KIF23: variants seen among roughly 807,000 people sequenced by gnomAD.
The protein encoded by KIF23 is kinesin-like protein KIF23.
KIF23 carries 30 observed loss-of-function variants against 137.5 expected under a neutral mutation model. The ratio of observed to expected loss-of-function variants is 0.22; its 90% CI spans 0.16 to 0.30. KIF23 has a LOEUF of 0.30. Ranked by LOEUF, KIF23 falls within the 10% of genes least tolerant of loss-of-function variation. KIF23 has a pLI of 1.00. For synonymous variants in KIF23, 367 were observed against 391.1 expected (o/e 0.94, Z 0.73); for missense variants, 920 against 1,194.3 (o/e 0.77, Z 3.38).
intron 20 of KIF23, among the ~76,000 whole-genome samples, chr15:69,445,689 C>T (rs921804443): frequency 1.3e-5 from 2 of 152,056 alleles, no homozygotes; most frequent in Admixed American, 6.5e-5. Context: ...TGCCTTAGAG[C>T]GTGTAGAAAC....
At chr15:69,436,304 CTGTT>C (rs765238727) in intron 14 of KIF23, 43 bp downstream of exon 14, 15 of 1,565,100 alleles carry the variant, frequency 9.6e-6, no homozygotes, top group South Asian at 3.6e-5. Flanking sequence ...ATTGGTCTGT[CTGTT>C]TCTCTCTTTT....
chr15:69,422,480 A>T (rs1256222348), intron 6 of KIF23, 45 bp downstream of exon 6: 18 of 1,112,238 alleles, frequency 1.6e-5, no homozygotes. Context: ...GGGGCACAGG[A>T]TTCTTTCCTG....
intron 20 of KIF23, among the ~76,000 whole-genome samples, chr15:69,445,717 A>G (rs1185479563): frequency 6.6e-6 from 1 of 152,198 alleles, no homozygotes; most frequent in Non-Finnish European, 1.5e-5. Flanking sequence ...AAATTTCTTG[A>G]TCCTTAGTGC....
At chr15:69,427,118 GCAAAAAA>G (rs2057215748) in intron 10 of KIF23, among the ~76,000 whole-genome samples, 1 of 151,484 alleles carries the variant, frequency 6.6e-6, no homozygotes, top group Non-Finnish European at 1.5e-5. Flanking sequence ...TCTTGTCTTT[GCAAAAAA>G]ATAAAATAAG....
chr15:69,437,619 C>A (rs1280303807), intron 15 of KIF23, among the ~76,000 whole-genome samples: 2 of 151,908 alleles, frequency 1.3e-5, no homozygotes, highest in African/African-American at 4.8e-5. Flanking sequence ...CACCACCACG[C>A]CCTGCTAATT....
chr15:69,447,022 C>A, intron 23 of KIF23, 81 bp downstream of exon 23: 1 of 1,241,642 alleles, frequency 8.1e-7, no homozygotes, highest in South Asian at 1.2e-5. Context: ...TTCTACCAGC[C>A]ATCCACTTAT....
chr15:69,427,275 C>T (rs1449055945), intron 10 of KIF23: 6 of 388,222 alleles, frequency 1.5e-5, no homozygotes, highest in African/African-American at 2.1e-5. Flanking sequence ...ATTTAGTATC[C>T]ATAGGAGATC....
chr15:69,446,932 C>G lies in KIF23; in HGVS notation c.2900C>G (p.Ala967Gly), dbSNP rs1051310892. 6.2e-7 allele frequency: 1 copy of G among 1,613,996 alleles called. No homozygotes were observed. The highest frequency in any genetic ancestry group is 1.3e-5 in the African/African-American group (1 of 74,946). Residue 967 changes from alanine to glycine, a missense_variant, in exon 23 of 24, where the codon GCA becomes GGA. Transcript: ENST00000679126. ...CTGGGACCTGGATATCAGCATCACG[C>G]ACAACCCAAGTGAGTACTGACTGTA... ...SQLGPGYQHH[A>G]QPKRKKP
intron 3 of KIF23, 109 bp downstream of exon 3, chr15:69,417,620 A>C: frequency 8.4e-7 from 1 of 1,184,410 alleles, no homozygotes; most frequent in Non-Finnish European, 1.2e-6. Context: ...TTTTCAAAAG[A>C]CTTATTTACT....
intron 1 of KIF23, among the ~76,000 whole-genome samples, chr15:69,415,665 G>A (rs2056883862): frequency 6.6e-6 from 1 of 152,218 alleles, no homozygotes; most frequent in African/African-American, 2.4e-5. Context: ...AGTCTGTAAA[G>A]TGTGGGCAGT....
Position 69,435,782 on chromosome 15 carries a change from T to C in KIF23, c.1314+11T>C, listed in dbSNP as rs908428631. 8 of 1,613,382 alleles carry C rather than the reference T, an allele frequency of 5.0e-6. No individual in the cohort carries two copies. Among genetic ancestry groups the C allele is most frequent in the East Asian group, 2.2e-5 (1 of 44,896 alleles). On this transcript the variant is annotated intron_variant, in intron 13 of 23. Transcript: ENST00000679126. ...TATGAAGAAAACTTGGTAATTTTAATGTATTTGTCCTATAAAGTCTTGAGT... is the reference window on the plus strand; with the variant it reads ...TATGAAGAAAACTTGGTAATTTTAACGTATTTGTCCTATAAAGTCTTGAGT...
intron 8 of KIF23, chr15:69,425,856 T>G (rs2140338532): frequency 5.7e-6 from 1 of 174,190 alleles, no homozygotes; most frequent in South Asian, 2.0e-4. Context: ...TCTGTTATCT[T>G]GTTACTTAAC....
At chr15:69,428,646 G>A (rs549064396) in intron 10 of KIF23, among the ~76,000 whole-genome samples, 1 of 122,206 alleles carries the variant, frequency 8.2e-6, no homozygotes, top group East Asian at 2.3e-4. Flanking sequence ...GAGGTAGAGC[G>A]AGACTCTGTC....
At chr15:69,430,370 C>A (rs1204310189) in intron 11 of KIF23, among the ~76,000 whole-genome samples, 5 of 152,042 alleles carry the variant, frequency 3.3e-5, no homozygotes, top group Non-Finnish European at 2.9e-5. Flanking sequence ...TGTTAATAAA[C>A]ATGTATTGAG....
chr15:69,443,749 C>T (rs2057682623), intron 19 of KIF23: 1 of 151,982 alleles, frequency 6.6e-6, no homozygotes, highest in African/African-American at 2.4e-5. Flanking sequence ...CTTAATTTAG[C>T]ATTCCCAGGT....
chr15:69,432,595 G>A (rs1009670720), intron 11 of KIF23, among the ~76,000 whole-genome samples: 1 of 151,932 alleles, frequency 6.6e-6, no homozygotes, highest in African/African-American at 2.4e-5. Context: ...TAGGTTGCAG[G>A]GCTGTGTGCC....
chr15:69,438,445 G>C, intron 16 of KIF23, 40 bp downstream of exon 16: 1 of 1,543,052 alleles, frequency 6.5e-7, no homozygotes, highest in Non-Finnish European at 8.8e-7. Context: ...ATGTGCTGGT[G>C]TTTTAGCACT....
chr15:69,414,354 G>T lies in KIF23; in HGVS notation c.-112G>T. ...TTAGCGTCGCCGCCGGCTTCGCAGA[G>T]CACCGCGCCTTAGCCGCGAAGTTCT... On this transcript the variant is annotated 5_prime_UTR_variant, in exon 1 of 24. Coordinates refer to ENST00000679126, the MANE Select transcript of KIF23 (RefSeq NM_001367805.3). 6.8e-7 allele frequency: 1 copy of T among 1,461,444 alleles called. No homozygotes were observed. Among genetic ancestry groups the T allele is most frequent in the Non-Finnish European group, 9.3e-7 (1 of 1,077,166 alleles). The allele number at this position is 1,461,444 out of a possible 1,614,324, so 90.5% of individuals were successfully genotyped here.
At chr15:69,421,321 G>A (rs2140323072) in intron 3 of KIF23, among the ~76,000 whole-genome samples, 1 of 152,316 alleles carries the variant, frequency 6.6e-6, no homozygotes, top group South Asian at 2.1e-4. Context: ...CCAGGAGGCA[G>A]AGGTTGCAGT....
Sources: gnomAD v4.1 joint callset for allele counts (sites outside exome capture counted in the v4.1 genomes callset) on GRCh38, gnomAD v4.1.1 for gene constraint, MANE v1.5 for transcripts, NCBI Gene and HGNC (gene_info 2026-07-23, HGNC 2026-07-21) for gene names.